Variants in MS4A14 observed in about 807,000 individuals in gnomAD.
MS4A14 encodes membrane spanning 4-domains A14.
A neutral mutation model predicts 16.7 loss-of-function variants in MS4A14; 18 were observed. The observed-to-expected ratio is 1.08, with a 90% CI of 0.75 to 1.60. The LOEUF (loss-of-function observed/expected upper bound fraction) is 1.60, where lower values mean the gene tolerates loss of function less well. Ranked by LOEUF, MS4A14 falls within the 40% of genes most tolerant of loss-of-function variation. The pLI is 0.00. For missense variants in MS4A14, 812 were observed against 775.3 expected (o/e 1.05, Z -0.56); for synonymous variants, 305 against 289.4 (o/e 1.05, Z -0.55).
At chr11:60,404,156 A>G (rs1453875359) in intron 4 of MS4A14, among the ~76,000 whole-genome samples, 1 of 152,252 alleles carries the variant, frequency 6.6e-6, no homozygotes, top group Non-Finnish European at 1.5e-5. Context: ...GAACTTGTAT[A>G]TACCCGAAAG....
At chr11:60,407,936 G>A (rs2135140303) in intron 4 of MS4A14, among the ~76,000 whole-genome samples, 1 of 151,890 alleles carries the variant, frequency 6.6e-6, no homozygotes, top group African/African-American at 2.4e-5. Flanking sequence ...TATGGTTTTT[G>A]TGTTCTGTTT....
At chr11:60,404,095 C>G (rs2085753091) in intron 4 of MS4A14, among the ~76,000 whole-genome samples, 1 of 152,186 alleles carries the variant, frequency 6.6e-6, no homozygotes, top group African/African-American at 2.4e-5. Context: ...TTGGCCATTG[C>G]TGAATGGACA....
At chr11:60,404,755 G>A (rs1169519392) in intron 4 of MS4A14, 1 of 376,090 alleles carries the variant, frequency 2.7e-6, no homozygotes, top group East Asian at 7.2e-5. Context: ...TCACCTCTAT[G>A]CTCATATCTG....
At position 60,397,979 on chromosome 11, in the gene MS4A14, T is replaced by C. The variant is rs141490187; in HGVS notation, c.266T>C (p.Ile89Thr). 119 of 1,612,984 alleles carry C rather than the reference T, an allele frequency of 7.4e-5. 1 individual carries two copies. In the African/African-American group the frequency reaches 1.3e-3, roughly 18 times the overall value. Residue 89 changes from isoleucine to threonine, a missense_variant and splice_region_variant, in exon 2 of 5, where the codon ATT becomes ACT. Coordinates refer to ENST00000300187, the MANE Select transcript of MS4A14 (RefSeq NM_032597.5). ...GGATATCCATTCTGGGGAGCACTTA[T>C]TGTGAGTACTGTCGATTAGAAGCTT... The part of the protein sequence containing the change: ...LTGYPFWGAL[I>T]FILTGYLTVT...
chr11:60,416,774 G>A lies in MS4A14; in HGVS notation c.1806G>A (p.Gln602=), dbSNP rs771189981. Residue 602 remains glutamine (Q), a synonymous_variant, in exon 5 of 5, where the codon CAG becomes CAA. Transcript: ENST00000300187. ...DKEQNSKKQT[Q]DQQTEDQPAQ... is the part of the protein sequence containing the mutation. The stretch of plus-strand genomic sequence containing the variant: ...AGCAAAACTCAAAGAAGCAAACCCA[G>A]GATCAGCAAACTGAAGACCAGCCGG... 1.3e-5 allele frequency: 21 copies of A among 1,613,564 alleles called. No individual in the cohort carries two copies. The South Asian group carries it at 2.3e-4, about 18-fold the overall frequency.
At position 60,415,527 on chromosome 11, in the gene MS4A14, G is replaced by T; in HGVS notation, c.559G>T (p.Glu187Ter). Residue 187 changes from glutamate (E) to a stop codon, truncating the protein, a stop_gained, in exon 5 of 5, where the codon GAG becomes TAG. Transcript: ENST00000300187. LOFTEE classifies it low-confidence loss of function (END_TRUNC). ...NDQLQFVLQE[E>*]FSSDDSTTNA... ...TCAATTACAATTTGTGCTTCAAGAA[G>T]AGTTTTCCAGTGATGATTCAACAAC... 6.2e-7 allele frequency: 1 copy of T among 1,613,716 alleles called. No individual in the cohort carries two copies. The highest frequency in any genetic ancestry group is 8.5e-7 in the Non-Finnish European group (1 of 1,179,780).
intron 4 of MS4A14, among the ~76,000 whole-genome samples, chr11:60,410,991 G>A (rs577018632): frequency 5.3e-5 from 8 of 152,058 alleles, no homozygotes; most frequent in African/African-American, 1.2e-4. Flanking sequence ...GACTATAGGC[G>A]CATGCCACCA....
intron 2 of MS4A14, among the ~76,000 whole-genome samples, chr11:60,399,042 T>C (rs1279142217): frequency 2.6e-5 from 4 of 152,214 alleles, no homozygotes; most frequent in Non-Finnish European, 5.9e-5. Context: ...ACTGAGCACA[T>C]ACCGCGTCTT....
At position 60,415,633 on chromosome 11, in the gene MS4A14, G is replaced by T; in HGVS notation, c.665G>T (p.Gly222Val). 1.2e-6 allele frequency: 2 copies of T among 1,613,738 alleles called. No individual in the cohort carries two copies. The highest frequency in any genetic ancestry group is 1.7e-6 in the Non-Finnish European group (2 of 1,179,832). The change falls in exon 5 of 5, where the codon GGT becomes GTT. Residue 222 changes from glycine to valine, a missense_variant. Transcript: ENST00000300187. The part of the protein sequence containing the change: ...LSRSPLVSQP[G>V]NKGREFVPDE... ...AGGAGTCCTTTAGTCTCCCAACCAGGTAATAAAGGTAGAGAATTTGTGCCA... is the reference window on the plus strand; with the variant it reads ...AGGAGTCCTTTAGTCTCCCAACCAGTTAATAAAGGTAGAGAATTTGTGCCA...
chr11:60,413,313 C>T (rs1203181565), intron 4 of MS4A14, among the ~76,000 whole-genome samples: 1 of 151,766 alleles, frequency 6.6e-6, no homozygotes, highest in Admixed American at 6.6e-5. Flanking sequence ...CTTTATGCCT[C>T]ATTTTTCTTG....
intron 4 of MS4A14, chr11:60,404,478 C>T: frequency 2.2e-6 from 1 of 448,948 alleles, no homozygotes. Flanking sequence ...ATGATTAAGA[C>T]CCAAATCTTA....
chr11:60,396,740 T>A (rs187204536), intron 1 of MS4A14, 24 bp downstream of exon 1: 10 of 1,605,566 alleles, frequency 6.2e-6, no homozygotes, highest in Admixed American at 3.5e-5. Context: ...AGTCAATAGG[T>A]CTTCCAGAAG....
rs11820545 is a variant in MS4A14, at chr11:60,403,226, G to A, written c.468+165G>A. 2.4e-3 allele frequency: 1,669 copies of A among 692,300 alleles called. 32 individuals are homozygous for A. The African/African-American group carries it at 0.026, about 11-fold the overall frequency. 42.9% of individuals were successfully genotyped at this position (692,300 alleles called of 1,614,324 possible). ...GTTACTGTTACAATGGTTAAGGAGCGATATTTTCTGGACTTGAATCCTGTT... is the reference window on the plus strand; with the variant it reads ...GTTACTGTTACAATGGTTAAGGAGCAATATTTTCTGGACTTGAATCCTGTT... On this transcript the variant is annotated intron_variant, in intron 4 of 4. Coordinates refer to ENST00000300187, the MANE Select transcript of MS4A14 (RefSeq NM_032597.5).
chr11:60,412,683 G>C (rs1302554433), intron 4 of MS4A14, among the ~76,000 whole-genome samples: 1 of 151,698 alleles, frequency 6.6e-6, no homozygotes, highest in Non-Finnish European at 1.5e-5. Flanking sequence ...ATCAACATTT[G>C]GGTTCATTGA....
intron 4 of MS4A14, among the ~76,000 whole-genome samples, chr11:60,405,700 T>C (rs533295919): frequency 2.6e-4 from 39 of 152,296 alleles, no homozygotes; most frequent in African/African-American, 7.5e-4. Flanking sequence ...CCCATGGACA[T>C]TGGAGTTTGT....
Position 60,400,888 on chromosome 11 carries a change from C to CA in MS4A14, c.318+440dup, listed in dbSNP as rs767593999. Among the ~76,000 whole-genome samples, 3 of 152,118 alleles carry CA rather than the reference C, an allele frequency of 2.0e-5. No individual in the cohort carries two copies. In the East Asian group the frequency reaches 5.8e-4, roughly 29 times the overall value. On this transcript the variant is annotated intron_variant, in intron 3 of 4. Coordinates refer to ENST00000300187, the MANE Select transcript of MS4A14 (RefSeq NM_032597.5). The stretch of plus-strand genomic sequence containing the variant: ...TCCCCCCAACACAAAAATTATCCAA[C>CA]AAAAAATGTTTATAGTACCAAGGTT...
In MS4A14 at chr11:60,416,804, A is replaced by C. The variant is rs73481226; in HGVS notation, c.1836A>C (p.Gln612His). Residue 612 changes from glutamine to histidine, a missense_variant, in exon 5 of 5, where the codon CAA (glutamine) becomes CAC (histidine). Coordinates refer to ENST00000300187, the MANE Select transcript of MS4A14 (RefSeq NM_032597.5). The part of the protein sequence containing the change: ...QDQQTEDQPA[Q>H]EKKSPKGQFQ... ...AGCAAACTGAAGACCAGCCGGCCCAAGAGAAGAAATCCCCGAAAGGACAAT... is the reference window on the plus strand; with the variant it reads ...AGCAAACTGAAGACCAGCCGGCCCACGAGAAGAAATCCCCGAAAGGACAAT... 47,304 of 1,613,544 alleles carry C rather than the reference A, an allele frequency of 0.029. 1,977 individuals carry two copies. Among genetic ancestry groups the C allele is most frequent in the East Asian group, 0.21 (9,624 of 44,800 alleles).
intron 4 of MS4A14, among the ~76,000 whole-genome samples, chr11:60,405,719 C>A (rs1276720231): frequency 6.6e-6 from 1 of 152,166 alleles, no homozygotes; most frequent in Non-Finnish European, 1.5e-5. Context: ...GTTATCCCTG[C>A]CTCATCAGAA....
At chr11:60,404,527 C>G (rs1470048131) in intron 4 of MS4A14, 1 of 456,850 alleles carries the variant, frequency 2.2e-6, no homozygotes, top group East Asian at 6.9e-5. Context: ...TCCTACCTAT[C>G]TTTCCAACAT....
Sources: allele counts gnomAD v4.1 joint callset (sites outside exome capture counted in the v4.1 genomes callset), GRCh38; gene constraint gnomAD v4.1.1; transcripts MANE v1.5; gene names NCBI Gene and HGNC (gene_info 2026-07-23, HGNC 2026-07-21).